The following KIAA0319L variants were observed in gnomAD, a reference collection of about 807,000 sequenced individuals.
The protein encoded by KIAA0319L is KIAA0319 like.
KIAA0319L carries 55 observed loss-of-function variants against 120.1 expected under a neutral mutation model. The ratio of observed to expected loss-of-function variants is 0.46; its 90% CI spans 0.37 to 0.57. The LOEUF is 0.57. Among genes scored for constraint, KIAA0319L ranks in the 20% least tolerant of loss-of-function variants. KIAA0319L has a pLI of 0.00. For synonymous variants in KIAA0319L, 398 were observed against 471.9 expected (o/e 0.84, Z 2.03); for missense variants, 1,049 against 1,255.3 (o/e 0.84, Z 2.48).
intron 2 of KIAA0319L, among the ~76,000 whole-genome samples, chr1:35,548,501 G>A (rs1437385593): frequency 6.6e-6 from 1 of 152,080 alleles, no homozygotes; most frequent in African/African-American, 2.4e-5. Flanking sequence ...CCTCGGGCAT[G>A]AAAAGAAAAT....
At position 35,554,492 on chromosome 1, in the gene KIAA0319L, G is replaced by A; in HGVS notation, c.-1C>T. On this transcript the variant is annotated 5_prime_UTR_variant, in exon 2 of 21. Coordinates refer to ENST00000325722, the MANE Select transcript of KIAA0319L (RefSeq NM_024874.5). ...GCTTGACTCCCAGCCTCTTCTCCAT[G>A]GCCCTCCAGACAGGCAGAACCAGTA... is the stretch of plus-strand genomic sequence containing the variant. 2 of 1,605,698 alleles carry A rather than the reference G, an allele frequency of 1.2e-6. No homozygotes were observed. Among genetic ancestry groups the A allele is most frequent in the Non-Finnish European group, 1.7e-6 (2 of 1,177,492 alleles).
chr1:35,512,419 A>G (rs1645488600), intron 2 of KIAA0319L, among the ~76,000 whole-genome samples: 1 of 152,108 alleles, frequency 6.6e-6, no homozygotes, highest in Non-Finnish European at 1.5e-5. Context: ...AGTAAAGGAA[A>G]GAAATGATAA....
At chr1:35,455,573 A>ATTTTTTTTTTTTTTTTTTTTTTTTTTTTT (rs551358599) in intron 10 of KIAA0319L, among the ~76,000 whole-genome samples, 1 of 93,468 alleles carries the variant, frequency 1.1e-5, no homozygotes. Context: ...ATTTAAGATA[A>ATTTTTTTTTTTTTTTTTTTTTTTTTTTTT]TTTTTTTTTT....
At chr1:35,525,243 T>G (rs1646079105) in intron 2 of KIAA0319L, among the ~76,000 whole-genome samples, 1 of 152,210 alleles carries the variant, frequency 6.6e-6, no homozygotes, top group Admixed American at 6.5e-5. Flanking sequence ...TATTTGTCCA[T>G]TCATCTGTTG....
intron 2 of KIAA0319L, among the ~76,000 whole-genome samples, chr1:35,513,307 T>TTTTC (rs1645549893): frequency 8.0e-6 from 1 of 124,742 alleles, no homozygotes; most frequent in South Asian, 2.4e-4. Flanking sequence ...TTTTTTTTTT[T>TTTTC]CTGTCCAGTA....
intron 3 of KIAA0319L, among the ~76,000 whole-genome samples, chr1:35,495,641 TTTTG>T (rs1042279216): frequency 2.8e-4 from 42 of 151,738 alleles, no homozygotes; most frequent in South Asian, 6.2e-4. Context: ...GTTTGTTTGG[TTTTG>T]TTTGTTTGTT....
chr1:35,463,143 T>C (rs887960867), intron 7 of KIAA0319L, among the ~76,000 whole-genome samples: 3 of 152,134 alleles, frequency 2.0e-5, no homozygotes, highest in East Asian at 1.9e-4. Context: ...TAGCAGTCCA[T>C]GGCCTTGGGG....
rs1180045597 is a variant in KIAA0319L, at chr1:35,450,395, T to A, written c.2177A>T (p.Tyr726Phe). The change falls in exon 14 of 21, where the codon TAC (tyrosine) becomes TTC (phenylalanine). Residue 726 changes from tyrosine to phenylalanine, a missense_variant. By Grantham distance (22) the Tyr-to-Phe change is conservative. Coordinates refer to ENST00000325722, the MANE Select transcript of KIAA0319L (RefSeq NM_024874.5). ...KSSDDKGIVS[Y>F]LWTRDEGSPA... ...GCTCCCCTCATCTCGAGTCCAGAGG[T>A]AGCTGACTATTCCCTTGTCATCTGA... 6.2e-7 allele frequency: 1 copy of A among 1,614,096 alleles called. No homozygotes were observed. The highest frequency in any genetic ancestry group is 8.5e-7 in the Non-Finnish European group (1 of 1,179,988).
Position 35,434,713 on chromosome 1 carries a change from A to T in KIAA0319L, c.*181T>A. ...GTTTAAAGAGGAAACCTCTTCATTC[A>T]CAGCTTCGTTGAGGGGTTCCTGGAG... On this transcript the variant is annotated 3_prime_UTR_variant, in exon 21 of 21. Coordinates refer to ENST00000325722, the MANE Select transcript of KIAA0319L (RefSeq NM_024874.5). 1.7e-6 allele frequency: 1 copy of T among 578,502 alleles called. No homozygotes were observed. 35.8% of individuals were successfully genotyped at this position (578,502 alleles called of 1,614,324 possible).
At chr1:35,555,506 C>T (rs961148123) in intron 1 of KIAA0319L, among the ~76,000 whole-genome samples, 3 of 152,228 alleles carry the variant, frequency 2.0e-5, no homozygotes, top group Non-Finnish European at 4.4e-5. Flanking sequence ...TGCAGAACCA[C>T]ATGCATCTGA....
At chr1:35,440,850 G>A (rs567749039) in intron 20 of KIAA0319L, 197 bp downstream of exon 20, 25 of 586,308 alleles carry the variant, frequency 4.3e-5, no homozygotes, top group African/African-American at 2.8e-4. Context: ...GAAGTAGCAC[G>A]CGAAGTGGGT....
intron 9 of KIAA0319L, 54 bp from the exon 10 acceptor site, chr1:35,456,295 T>C: frequency 4.2e-6 from 5 of 1,184,222 alleles, no homozygotes; most frequent in South Asian, 1.5e-5. Context: ...GAAAGAGGAA[T>C]AAACACTAGA....
At chr1:35,507,269 A>G (rs562589737) in intron 2 of KIAA0319L, 134 bp from the exon 3 acceptor site, 4 of 763,596 alleles carry the variant, frequency 5.2e-6, no homozygotes, top group Non-Finnish European at 8.1e-6. Context: ...CCATCTAGTG[A>G]GTGGAACAAA....
intron 10 of KIAA0319L, among the ~76,000 whole-genome samples, chr1:35,455,000 CAA>C (rs1642339041): frequency 6.6e-6 from 1 of 152,210 alleles, no homozygotes; most frequent in South Asian, 2.1e-4. Flanking sequence ...AACATTTAAA[CAA>C]AAGTCAGGTA....
chr1:35,468,341 T>A (rs1411435271), intron 6 of KIAA0319L, among the ~76,000 whole-genome samples: 2 of 152,118 alleles, frequency 1.3e-5, no homozygotes, highest in African/African-American at 4.8e-5. Context: ...GATTCCAACC[T>A]CAGCCTGCTT....
chr1:35,454,870 C>T lies in KIAA0319L; in HGVS notation c.1657-385G>A, dbSNP rs1246668341. 2.2e-4 allele frequency among the ~76,000 whole-genome samples: 33 copies of T among 152,218 alleles called. 1 individual carries two copies. The highest frequency in any genetic ancestry group is 2.2e-3 in the Admixed American group (33 of 15,284). The stretch of plus-strand genomic sequence containing the variant: ...ACTGTTTAAAAAGATCCTCTTCCTA[C>T]TGAAGCTACACAGTGCTCCTAACAA... On this transcript the variant is annotated intron_variant, in intron 10 of 20. Transcript: ENST00000325722.
chr1:35,500,231 T>C (rs1314649675), intron 3 of KIAA0319L, among the ~76,000 whole-genome samples: 1 of 152,200 alleles, frequency 6.6e-6, no homozygotes, highest in Non-Finnish European at 1.5e-5. Flanking sequence ...CATAGCAGGA[T>C]TGGCAGCAAT....
At chr1:35,452,977 C>T (rs1007605091) in intron 12 of KIAA0319L, among the ~76,000 whole-genome samples, 14 of 152,126 alleles carry the variant, frequency 9.2e-5, no homozygotes, top group African/African-American at 3.1e-4. Context: ...ATTTCAGTTG[C>T]ATTAGTTATG....
At chr1:35,480,619 T>C (rs948832227) in intron 3 of KIAA0319L, among the ~76,000 whole-genome samples, 3 of 151,990 alleles carry the variant, frequency 2.0e-5, no homozygotes, top group African/African-American at 7.3e-5. Flanking sequence ...CCATCTCTAC[T>C]AAAAATACAA....
Sources: gnomAD v4.1 joint callset for allele counts (sites outside exome capture counted in the v4.1 genomes callset) on GRCh38, gnomAD v4.1.1 for gene constraint, MANE v1.5 for transcripts, NCBI Gene and HGNC (gene_info 2026-07-23, HGNC 2026-07-21) for gene names.